The following LITAF variants were observed in gnomAD, a reference collection of about 807,000 sequenced individuals.
LITAF encodes lipopolysaccharide-induced tumor necrosis factor-alpha factor.
Under a neutral mutation model 14.5 loss-of-function variants are expected in LITAF, and 9 were observed. The ratio of observed to expected loss-of-function variants is 0.62; its 90% confidence interval spans 0.37 to 1.08. LITAF has a LOEUF of 1.08. LITAF is among the 50% of genes least tolerant of loss of function. The pLI, the probability that LITAF is intolerant of heterozygous loss-of-function variation, is 0.01. For synonymous variants in LITAF, 98 were observed against 88.2 expected (o/e 1.11, Z -0.62); for missense variants, 206 against 213.4 (o/e 0.97, Z 0.22).
intron 3 of LITAF, among the ~76,000 whole-genome samples, chr16:11,609,863 G>T (rs181816524): frequency 3.3e-5 from 5 of 152,294 alleles, no homozygotes; most frequent in Admixed American, 3.3e-4. Flanking sequence ...AGGCTTTCCT[G>T]GCCAGTGATG....
intron 1 of LITAF, among the ~76,000 whole-genome samples, chr16:11,566,032 T>A (rs2064446719): frequency 6.6e-6 from 1 of 152,054 alleles, no homozygotes; most frequent in Non-Finnish European, 1.5e-5. Context: ...AGTTTCTTCC[T>A]CATAAGGCTC....
chr16:11,548,189 A>ATAG lies in LITAF; in HGVS notation c.*1445_*1447dup. The ATAG allele has an allele frequency of 2.2e-6, 1 of 454,154 alleles. No homozygotes were observed. The highest frequency in any genetic ancestry group is 1.6e-5 in the South Asian group (1 of 64,476). 28.1% of individuals were successfully genotyped at this position (454,154 alleles called of 1,614,324 possible). ...CTCAAGGTCTAGGTTTTATTTCTACATAGTAGTATTCACATGAGTTCCCTA... is the reference window on the plus strand; with the variant it reads ...CTCAAGGTCTAGGTTTTATTTCTACATAGTAGTAGTATTCACATGAGTTCCCTA... On this transcript the variant is annotated 3_prime_UTR_variant, in exon 4 of 4. Coordinates refer to ENST00000622633, the MANE Select transcript of LITAF (RefSeq NM_001136472.2).
intron 3 of LITAF, among the ~76,000 whole-genome samples, chr16:11,611,565 T>G (rs1188263254): frequency 6.6e-6 from 1 of 152,194 alleles, no homozygotes; most frequent in East Asian, 1.9e-4. Context: ...TACCACCTAC[T>G]ATTGCCTGGA....
At chr16:11,627,874 G>A (rs992032292) in intron 3 of LITAF, among the ~76,000 whole-genome samples, 8 of 151,872 alleles carry the variant, frequency 5.3e-5, no homozygotes, top group East Asian at 1.9e-4. Flanking sequence ...AAAATTAGCC[G>A]GGCGTGGTAC....
intron 3 of LITAF, among the ~76,000 whole-genome samples, chr16:11,552,161 G>A (rs939694058): frequency 9.2e-5 from 14 of 152,080 alleles, no homozygotes; most frequent in African/African-American, 1.9e-4. Context: ...GGAACGTGCC[G>A]GTTGCATGAG....
In LITAF at chr16:11,563,425, C is replaced by T. The variant is rs529357835; in HGVS notation, c.-5-6690G>A. Among the ~76,000 whole-genome samples, 24 of 152,282 alleles carry T rather than the reference C, an allele frequency of 1.6e-4. No homozygotes were observed. The South Asian group carries it at 2.9e-3, about 18-fold the overall frequency. ...TTGGCCTCCCAGAGTGCTGGGATTA[C>T]AGGCGTGAGTCACCACGCCTGGCCA... On this transcript the variant is annotated intron_variant, in intron 1 of 3. Transcript: ENST00000622633.
At position 11,557,579 on chromosome 16, in the gene LITAF, A is replaced by G. The variant is rs192893849; in HGVS notation, c.-5-844T>C. On this transcript the variant is annotated intron_variant, in intron 1 of 3. Transcript: ENST00000622633. The stretch of plus-strand genomic sequence containing the variant: ...ATCTTCCTGCCTCAGCCTCCCAGGT[A>G]GCTGGGACTACAGGCATGTGCCCCC... 3.1e-3 allele frequency among the ~76,000 whole-genome samples: 476 copies of G among 152,188 alleles called. 6 individuals are homozygous for G. The highest frequency in any genetic ancestry group is 0.011 in the African/African-American group (460 of 41,534).
chr16:11,556,339 T>A, intron 2 of LITAF, 172 bp downstream of exon 2: 2 of 618,028 alleles, frequency 3.2e-6, no homozygotes, highest in Middle Eastern at 5.1e-4. Flanking sequence ...GCTGTGAGCC[T>A]CACCAACATG....
At chr16:11,567,420 GAAA>G (rs78887090) in intron 1 of LITAF, among the ~76,000 whole-genome samples, 2,370 of 136,572 alleles carry the variant, frequency 0.017, 70 homozygotes, top group African/African-American at 0.06. Flanking sequence ...ACTCCGTCTG[GAAA>G]AAAAAAAAAA....
rs2064130083 is a variant in LITAF at position 11,548,020 on chromosome 16, T to C, written c.*1617A>G. 2.2e-6 allele frequency: 1 copy of C among 453,994 alleles called. No homozygotes were observed. The highest frequency in any genetic ancestry group is 4.4e-6 in the Non-Finnish European group (1 of 226,790). The allele number at this position is 453,994 out of a possible 1,614,324, so 28.1% of individuals were successfully genotyped here. A position where few individuals can be genotyped will look rare whatever the true frequency, so the allele number is the denominator to read the frequency against. ...AGTTCACCGGGTGAACCAAAGACTT[T>C]ATTTTTCAAAAGCAGGTAACACCAA... On this transcript the variant is annotated 3_prime_UTR_variant, in exon 4 of 4. Transcript: ENST00000622633.
At chr16:11,616,054 C>T (rs1359200971) in intron 3 of LITAF, among the ~76,000 whole-genome samples, 7 of 152,156 alleles carry the variant, frequency 4.6e-5, no homozygotes, top group Non-Finnish European at 8.8e-5. Flanking sequence ...GTTCAGGTTG[C>T]CAAATACATC....
At chr16:11,579,637 A>G (rs1472737438) in intron 1 of LITAF, among the ~76,000 whole-genome samples, 1 of 152,176 alleles carries the variant, frequency 6.6e-6, no homozygotes, top group African/African-American at 2.4e-5. Flanking sequence ...GTGAACAATA[A>G]CATACCCTCA....
At position 11,553,438 on chromosome 16, in the gene LITAF, C is replaced by A; in HGVS notation, c.377+95G>T. 7.4e-7 allele frequency: 1 copy of A among 1,344,780 alleles called. No individual in the cohort carries two copies. Among genetic ancestry groups the A allele is most frequent in the Non-Finnish European group, 1.0e-6 (1 of 957,006 alleles). The allele number at this position is 1,344,780 out of a possible 1,614,324, so 83.3% of individuals were successfully genotyped here. On this transcript the variant is annotated intron_variant, in intron 3 of 3. Transcript: ENST00000622633. This position sits in a 1 kb window ranked among gnomAD's most constrained non-coding sequence, Gnocchi z 7.7. ...AAAAAAACAACACAAATGTCTGGCC[C>A]TGAATGTCAAGCATGGTGCAGTTGA...
intron 3 of LITAF, among the ~76,000 whole-genome samples, chr16:11,604,423 T>G (rs964965040): frequency 6.6e-5 from 10 of 152,274 alleles, no homozygotes; most frequent in Non-Finnish European, 1.5e-4. Context: ...ATTGTTTAGA[T>G]AGCAAAGGGA....
intron 3 of LITAF, among the ~76,000 whole-genome samples, chr16:11,629,535 C>G (rs1449342553): frequency 1.4e-5 from 2 of 146,686 alleles, no homozygotes; most frequent in Non-Finnish European, 3.0e-5. Context: ...TGGGGTCCCT[C>G]TGGGCTGCCA....
chr16:11,621,933 C>T (rs538508140), intron 3 of LITAF, among the ~76,000 whole-genome samples: 32 of 152,206 alleles, frequency 2.1e-4, no homozygotes, highest in Non-Finnish European at 1.2e-4. Context: ...GCAAGACCTT[C>T]CCATTTTTTT....
At chr16:11,560,478 G>T (rs937285967) in intron 1 of LITAF, among the ~76,000 whole-genome samples, 10 of 151,672 alleles carry the variant, frequency 6.6e-5, no homozygotes, top group Non-Finnish European at 1.2e-4. Flanking sequence ...AGGTCTGGTG[G>T]CGTGCGCCTG....
At position 11,572,419 on chromosome 16, in the gene LITAF, C is replaced by T. The variant is rs1032027427; in HGVS notation, c.-6+14467G>A. 3.9e-5 allele frequency among the ~76,000 whole-genome samples: 6 copies of T among 152,148 alleles called. No individual in the cohort carries two copies. The South Asian group carries it at 1.2e-3, about 32-fold the overall frequency. The stretch of plus-strand genomic sequence containing the variant: ...CTAAAACCACACAGAGACAGATGAT[C>T]GGGCTGAATATCGTCAGCGAGAAGT... On this transcript the variant is annotated intron_variant, in intron 1 of 3. Coordinates refer to ENST00000622633, the MANE Select transcript of LITAF (RefSeq NM_001136472.2).
chr16:11,626,098 G>A (rs1250451441), intron 3 of LITAF, among the ~76,000 whole-genome samples: 2 of 151,974 alleles, frequency 1.3e-5, no homozygotes, highest in Non-Finnish European at 2.9e-5. Context: ...CAGAATTTAG[G>A]ACTTGTTCCA....
Sources: allele counts gnomAD v4.1 joint callset (sites outside exome capture counted in the v4.1 genomes callset), GRCh38; gene constraint gnomAD v4.1.1; non-coding constraint Gnocchi (gnomAD v3.1); transcripts MANE v1.5; gene names NCBI Gene and HGNC (gene_info 2026-07-23, HGNC 2026-07-21).